CDK15: variants seen among roughly 807,000 people sequenced by gnomAD.
CDK15 encodes cyclin dependent kinase 15, also known as cyclin-dependent kinase 15.
A neutral mutation model predicts 60.3 loss-of-function variants in CDK15; 62 were observed. That is an observed-to-expected ratio of 1.03 (90% CI 0.84 to 1.27). The LOEUF is 1.27. Among genes scored for constraint, CDK15 ranks in the 50% most tolerant of loss-of-function variants. The pLI is 0.00. For synonymous variants in CDK15, 194 were observed against 195.7 expected, an observed-to-expected ratio of 0.99 and a Z score of 0.07; for missense variants, 541 against 527.8, an observed-to-expected ratio of 1.03 and a Z score of -0.25.
At chr2:201,853,763 CG>C (rs1698011553) in intron 9 of CDK15, among the ~76,000 whole-genome samples, 1 of 151,432 alleles carries the variant, frequency 6.6e-6, no homozygotes, top group African/African-American at 2.4e-5. Context: ...TAATGCCTAC[CG>C]GGGAACTCAT....
At chr2:201,819,483 T>C (rs1466839758) in intron 4 of CDK15, among the ~76,000 whole-genome samples, 1 of 152,164 alleles carries the variant, frequency 6.6e-6, no homozygotes, top group Non-Finnish European at 1.5e-5. Flanking sequence ...GAATTTACTC[T>C]GCAGGAGATG....
At chr2:201,887,485 A>G (rs1163316244) in intron 12 of CDK15, among the ~76,000 whole-genome samples, 1 of 152,194 alleles carries the variant, frequency 6.6e-6, no homozygotes, top group Non-Finnish European at 1.5e-5. Flanking sequence ...TTGAGAGTCA[A>G]AGGACCTGAG....
At chr2:201,873,554 T>C (rs1698946180) in intron 11 of CDK15, among the ~76,000 whole-genome samples, 1 of 152,204 alleles carries the variant, frequency 6.6e-6, no homozygotes, top group African/African-American at 2.4e-5. Flanking sequence ...CCCTGTCCCA[T>C]GGCAGAAGAT....
At chr2:201,892,347 G>C (rs1465315044) in intron 13 of CDK15, among the ~76,000 whole-genome samples, 1 of 152,110 alleles carries the variant, frequency 6.6e-6, no homozygotes, top group Non-Finnish European at 1.5e-5. Flanking sequence ...GATACTAATG[G>C]AAATGGGCTC....
intron 8 of CDK15, among the ~76,000 whole-genome samples, chr2:201,839,357 G>C (rs1404389967): frequency 6.6e-6 from 1 of 152,116 alleles, no homozygotes; most frequent in Non-Finnish European, 1.5e-5. Context: ...AAAAGATAAA[G>C]ACTGAGGAAC....
intron 11 of CDK15, among the ~76,000 whole-genome samples, chr2:201,879,369 C>T (rs1699190534): frequency 6.6e-6 from 1 of 152,094 alleles, no homozygotes; most frequent in African/African-American, 2.4e-5. Context: ...GAGTCCAGAG[C>T]CTTGAACATG....
At position 201,894,073 on chromosome 2, in the gene CDK15, CCACACACA is replaced by C. The variant is rs5837794; in HGVS notation, c.*840_*847del. Reference sequence around the variant, plus strand: ...ATGTAATTTAAGCCCTGTTGCACCACCACACACACACACACACACACACACACACACAC... The same window carrying C: ...ATGTAATTTAAGCCCTGTTGCACCACCACACACACACACACACACACACAC... On this transcript the variant is annotated 3_prime_UTR_variant, in exon 14 of 14. Coordinates refer to ENST00000652192, the MANE Select transcript of CDK15 (RefSeq NM_001366386.2). 0.012 allele frequency: 1,691 copies of C among 144,368 alleles called. 22 individuals carry two copies. The highest frequency in any genetic ancestry group is 0.033 in the African/African-American group (1,265 of 38,138). 8.9% of individuals were successfully genotyped at this position (144,368 alleles called of 1,614,324 possible).
At chr2:201,861,419 C>A in intron 10 of CDK15, 1 of 985,436 alleles carries the variant, frequency 1.0e-6, no homozygotes, top group Non-Finnish European at 1.2e-6. Context: ...TTTCATTAAT[C>A]ATGTTGTATC....
chr2:201,826,012 C>T (rs914459220), intron 6 of CDK15, among the ~76,000 whole-genome samples: 7 of 152,326 alleles, frequency 4.6e-5, no homozygotes, highest in African/African-American at 1.4e-4. Context: ...GCTTCAAAGA[C>T]ATGATCCCTG....
intron 8 of CDK15, among the ~76,000 whole-genome samples, chr2:201,844,671 A>G (rs897388292): frequency 6.6e-6 from 1 of 152,218 alleles, no homozygotes; most frequent in African/African-American, 2.4e-5. Context: ...AAGAAAAAAT[A>G]GGCCAAGCGT....
At chr2:201,863,692 T>G (rs897456154) in intron 10 of CDK15, among the ~76,000 whole-genome samples, 22 of 152,124 alleles carry the variant, frequency 1.4e-4, no homozygotes, top group African/African-American at 4.8e-4. Context: ...GATCAGGAGT[T>G]CGAGATCAGC....
chr2:201,880,122 G>A lies in CDK15; in HGVS notation c.1153G>A (p.Asp385Asn). ...RVSAQEALVH[D>N]YFSALPSQLY... ...CTCCGCCCAGGAAGCACTTGTTCATGATTATTTCAGCGCCCTGCCATCTCA... is the reference window on the plus strand; with the variant it reads ...CTCCGCCCAGGAAGCACTTGTTCATAATTATTTCAGCGCCCTGCCATCTCA... Residue 385 changes from aspartate to asparagine, a missense_variant, in exon 12 of 14, where the codon GAT (aspartate) becomes AAT (asparagine). Transcript: ENST00000652192. 1 of 1,614,112 alleles carries A rather than the reference G, an allele frequency of 6.2e-7. No individual in the cohort carries two copies. Among genetic ancestry groups the A allele is most frequent in the Non-Finnish European group, 8.5e-7 (1 of 1,180,014 alleles).
At chr2:201,887,906 T>C (rs2105843613) in intron 12 of CDK15, among the ~76,000 whole-genome samples, 1 of 152,244 alleles carries the variant, frequency 6.6e-6, no homozygotes, top group South Asian at 2.1e-4. Flanking sequence ...CGAGGATGTG[T>C]GCACTTTGAA....
At chr2:201,821,018 A>G (rs570769409) in intron 4 of CDK15, among the ~76,000 whole-genome samples, 194 of 152,254 alleles carry the variant, frequency 1.3e-3, no homozygotes, top group African/African-American at 4.5e-3. Flanking sequence ...GGTAGGGCAT[A>G]AGCAATATCA....
rs150673823 is a variant in CDK15, at chr2:201,831,844, T to G, written c.607-2004T>G. Among the ~76,000 whole-genome samples, 633 of 152,278 alleles carry G rather than the reference T, an allele frequency of 4.2e-3. 8 individuals carry two copies. Among genetic ancestry groups the G allele is most frequent in the African/African-American group, 0.015 (608 of 41,558 alleles). On this transcript the variant is annotated intron_variant, in intron 6 of 13. Coordinates refer to ENST00000652192, the MANE Select transcript of CDK15 (RefSeq NM_001366386.2). ...TCTCTAGTTTCTCAGGATGGTATAGTGGAGTCAGACAAGTCTGAATTTGAG... is the reference window on the plus strand; with the variant it reads ...TCTCTAGTTTCTCAGGATGGTATAGGGGAGTCAGACAAGTCTGAATTTGAG...
At chr2:201,823,898 G>C (rs946154253) in intron 6 of CDK15, among the ~76,000 whole-genome samples, 171 bp downstream of exon 6, 4 of 151,648 alleles carry the variant, frequency 2.6e-5, no homozygotes, top group African/African-American at 9.7e-5. Context: ...TTTTAAAAAG[G>C]AAAGAAAAAA....
At chr2:201,869,818 G>A (rs1050630691) in intron 10 of CDK15, among the ~76,000 whole-genome samples, 2 of 152,176 alleles carry the variant, frequency 1.3e-5, no homozygotes, top group Non-Finnish European at 2.9e-5. Context: ...ATTGAAATTG[G>A]GAGATGACTG....
chr2:201,887,369 C>A (rs1574944918), intron 12 of CDK15, among the ~76,000 whole-genome samples: 1 of 152,272 alleles, frequency 6.6e-6, no homozygotes, highest in South Asian at 2.1e-4. Flanking sequence ...GGTTGTAGGT[C>A]ATTTCTTTTC....
At chr2:201,826,473 A>AAG (rs1696508161) in intron 6 of CDK15, among the ~76,000 whole-genome samples, 1 of 151,778 alleles carries the variant, frequency 6.6e-6, no homozygotes, top group South Asian at 2.1e-4. Flanking sequence ...AAAAAAAAAA[A>AAG]AAAAAAAAGT....
Sources: gnomAD v4.1 joint callset for allele counts (sites outside exome capture counted in the v4.1 genomes callset) on GRCh38, gnomAD v4.1.1 for gene constraint, MANE v1.5 for transcripts, NCBI Gene and HGNC (gene_info 2026-07-23, HGNC 2026-07-21) for gene names.